SND1: variants seen among roughly 807,000 people sequenced by gnomAD.
SND1 encodes the protein staphylococcal nuclease domain-containing protein 1.
Under a neutral mutation model 121.7 loss-of-function variants are expected in SND1, and 38 were observed. The observed-to-expected ratio is 0.31, with a 90% confidence interval of 0.24 to 0.41. SND1 has a LOEUF of 0.41. Ranked by LOEUF, SND1 falls within the 10% of genes least tolerant of loss-of-function variation. SND1 has a pLI of 1.00. For missense variants in SND1, 868 were observed against 1,184.6 expected (o/e 0.73, Z 3.92); for synonymous variants, 401 against 447.4 (o/e 0.90, Z 1.31).
chr7:127,686,647 A>G lies in SND1; in HGVS notation c.113A>G (p.Gln38Arg), dbSNP rs1431131745. 1 of 1,614,090 alleles carries G rather than the reference A, an allele frequency of 6.2e-7. No individual in the cohort carries two copies. Among genetic ancestry groups the G allele is most frequent in the Non-Finnish European group, 8.5e-7 (1 of 1,179,994 alleles). Reference protein sequence around the residue: ...LSGCAIIVRGQPRGGPPPERQ... With the variant: ...LSGCAIIVRGRPRGGPPPERQ... Reference sequence around the variant, plus strand: ...GGGTGCGCCATCATTGTCCGAGGTCAGCCTCGTGGTGGGCCTCCTCCTGAG... The same window carrying G: ...GGGTGCGCCATCATTGTCCGAGGTCGGCCTCGTGGTGGGCCTCCTCCTGAG... Residue 38 changes from glutamine to arginine, a missense_variant, in exon 2 of 24, where the codon CAG becomes CGG. Gln to Arg is a conservative substitution (Grantham distance 43, BLOSUM62 1). Transcript: ENST00000354725.
chr7:128,035,560 A>G (rs1393436242), intron 16 of SND1, among the ~76,000 whole-genome samples: 4 of 152,256 alleles, frequency 2.6e-5, no homozygotes, highest in Admixed American at 6.5e-5. Context: ...ACCTAAAGCT[A>G]CATGACTGAT....
chr7:127,692,867 G>A (rs1185195178), intron 2 of SND1, among the ~76,000 whole-genome samples: 1 of 152,236 alleles, frequency 6.6e-6, no homozygotes, highest in Non-Finnish European at 1.5e-5. Flanking sequence ...AGGGGAAGAT[G>A]TTTCTTCAGC....
At chr7:127,827,819 A>C (rs531516315) in intron 11 of SND1, among the ~76,000 whole-genome samples, 2 of 152,154 alleles carry the variant, frequency 1.3e-5, no homozygotes, top group African/African-American at 4.8e-5. Context: ...TGTCTTTTAC[A>C]GAGAAAAATA....
At chr7:128,070,889 G>A (rs58693789) in intron 16 of SND1, among the ~76,000 whole-genome samples, 3,488 of 152,232 alleles carry the variant, frequency 0.023, 138 homozygotes, top group African/African-American at 0.079. Context: ...TTGTGGACAT[G>A]CACAGAGTGA....
chr7:127,901,808 G>C (rs1800237354), intron 13 of SND1, among the ~76,000 whole-genome samples: 1 of 152,168 alleles, frequency 6.6e-6, no homozygotes, highest in Non-Finnish European at 1.5e-5. Context: ...TATTTTAAGT[G>C]TGAAAAAATT....
At chr7:128,061,476 AG>A (rs1793230328) in intron 16 of SND1, among the ~76,000 whole-genome samples, 1 of 152,206 alleles carries the variant, frequency 6.6e-6, no homozygotes, top group Admixed American at 6.5e-5. Context: ...GGGCTAGGCA[AG>A]GACCACTGGG....
intron 12 of SND1, among the ~76,000 whole-genome samples, chr7:127,852,782 G>T (rs1030377866): frequency 1.3e-5 from 2 of 151,750 alleles, no homozygotes; most frequent in African/African-American, 4.8e-5. Flanking sequence ...CTGCACTCTA[G>T]CCTGGGTGAC....
intron 15 of SND1, among the ~76,000 whole-genome samples, chr7:127,930,861 A>G (rs1399832326): frequency 6.6e-6 from 1 of 151,986 alleles, no homozygotes; most frequent in Non-Finnish European, 1.5e-5. Flanking sequence ...CATTTTTTTT[A>G]TAGATAGGAG....
intron 15 of SND1, among the ~76,000 whole-genome samples, chr7:127,950,255 A>G (rs777242509): frequency 2.0e-5 from 3 of 152,080 alleles, no homozygotes; most frequent in Non-Finnish European, 2.9e-5. Context: ...CGAAATATTC[A>G]TTGTATACAC....
At position 128,029,804 on chromosome 7, in the gene SND1, A is replaced by T. The variant is rs3823994; in HGVS notation, c.1779+38748A>T. 0.28 allele frequency: 454,262 copies of T among 1,613,560 alleles called. 66,521 individuals are homozygous for T. The highest frequency in any genetic ancestry group is 0.42 in the African/African-American group (31,321 of 74,924). The stretch of plus-strand genomic sequence containing the variant: ...GGGTAAAGAGGTCATGGGGCAAAGA[A>T]GAGAGGTTATTGTGGGCCAAGTTGA... On this transcript the variant is annotated intron_variant, in intron 16 of 23. Coordinates refer to ENST00000354725, the MANE Select transcript of SND1 (RefSeq NM_014390.4). This position sits in a 1 kb window ranked among gnomAD's most constrained non-coding sequence, Gnocchi z 4.2.
chr7:127,984,578 A>T (rs1802343254), intron 15 of SND1, among the ~76,000 whole-genome samples: 1 of 152,226 alleles, frequency 6.6e-6, no homozygotes, highest in Admixed American at 6.5e-5. Context: ...ACTAATATTC[A>T]TTCAACATTT....
intron 1 of SND1, among the ~76,000 whole-genome samples, chr7:127,660,250 C>T (rs190576779): frequency 1.2e-4 from 19 of 152,160 alleles, no homozygotes; most frequent in East Asian, 7.7e-4. Flanking sequence ...TTCACCTAGT[C>T]CTATCTCTGC....
intron 10 of SND1, among the ~76,000 whole-genome samples, chr7:127,758,822 A>G (rs1797245605): frequency 6.6e-6 from 1 of 152,130 alleles, no homozygotes; most frequent in Admixed American, 6.6e-5. Context: ...GGGGAGGCTG[A>G]GGCAGGAGGA....
chr7:127,659,639 A>G (rs1795274118), intron 1 of SND1, among the ~76,000 whole-genome samples: 1 of 152,222 alleles, frequency 6.6e-6, no homozygotes, highest in Admixed American at 6.5e-5. Flanking sequence ...CAAGAGGAAT[A>G]AAGGAGATTT....
At chr7:127,799,127 C>A (rs904339857) in intron 10 of SND1, among the ~76,000 whole-genome samples, 1 of 152,160 alleles carries the variant, frequency 6.6e-6, no homozygotes, top group African/African-American at 2.4e-5. Context: ...TGGTAGTCTG[C>A]ATGGTTATAA....
intron 9 of SND1, among the ~76,000 whole-genome samples, chr7:127,714,198 C>T (rs1194380883): frequency 6.6e-6 from 1 of 152,130 alleles, no homozygotes; most frequent in East Asian, 1.9e-4. Flanking sequence ...TTAAGCAGAG[C>T]CCTGAACTAG....
intron 14 of SND1, among the ~76,000 whole-genome samples, chr7:127,924,745 A>C (rs755381910): frequency 5.3e-5 from 8 of 152,114 alleles, no homozygotes; most frequent in Non-Finnish European, 7.4e-5. Flanking sequence ...CAAGCCTGGG[A>C]ATTCATCATA....
chr7:128,029,461 G>A lies in SND1; in HGVS notation c.1779+38405G>A, dbSNP rs1563094218. Reference sequence around the variant, plus strand: ...GAGATCCTTGGGTGGCGGGAGGCGTGGCTGAGCACTGTCCCATTGGGCAGC... The same window carrying A: ...GAGATCCTTGGGTGGCGGGAGGCGTAGCTGAGCACTGTCCCATTGGGCAGC... On this transcript the variant is annotated intron_variant, in intron 16 of 23. Coordinates refer to ENST00000354725, the MANE Select transcript of SND1 (RefSeq NM_014390.4). This position sits in a 1 kb window ranked among gnomAD's most constrained non-coding sequence, Gnocchi z 4.2. The A allele has an allele frequency of 6.2e-7, 1 of 1,614,164 alleles. No homozygotes were observed. The highest frequency in any genetic ancestry group is 8.5e-7 in the Non-Finnish European group (1 of 1,180,032).
At chr7:127,701,433 G>A in intron 5 of SND1, 110 bp downstream of exon 5, 1 of 1,118,016 alleles carries the variant, frequency 8.9e-7, no homozygotes, top group South Asian at 1.7e-5. Context: ...TACTTATTTA[G>A]TATCCATGGG....
Sources: allele counts gnomAD v4.1 joint callset (sites outside exome capture counted in the v4.1 genomes callset), GRCh38; gene constraint gnomAD v4.1.1; non-coding constraint Gnocchi (gnomAD v3.1); transcripts MANE v1.5; gene names NCBI Gene and HGNC (gene_info 2026-07-23, HGNC 2026-07-21).